The following MOB3B variants were observed in gnomAD, a reference collection of about 807,000 sequenced individuals.
MOB3B encodes MOB kinase activator-like 2B.
Under a neutral mutation model 18.7 loss-of-function variants are expected in MOB3B, and 7 were observed. The ratio of observed to expected loss-of-function variants is 0.37; its 90% CI spans 0.21 to 0.70. The LOEUF is 0.70. Ranked by LOEUF, MOB3B falls within the 30% of genes least tolerant of loss-of-function variation. The probability of loss-of-function intolerance (pLI) is 0.52; values close to 1 mark genes in which losing one functional copy is unlikely to be tolerated. For synonymous variants in MOB3B, 111 were observed against 99.9 expected (o/e 1.11, Z -0.66); for missense variants, 253 against 281.3 (o/e 0.90, Z 0.72).
intron 3 of MOB3B, among the ~76,000 whole-genome samples, chr9:27,353,868 A>G (rs555063355): frequency 6.6e-6 from 1 of 152,360 alleles, no homozygotes; most frequent in African/African-American, 2.4e-5. Flanking sequence ...CTGGCAGCCA[A>G]GGGCCAACAG....
chr9:27,387,311 A>AC (rs1215527603), intron 2 of MOB3B, among the ~76,000 whole-genome samples: 5 of 152,170 alleles, frequency 3.3e-5, no homozygotes, highest in Non-Finnish European at 7.3e-5. Context: ...TAACAGGCAG[A>AC]CCATTTTATA....
rs577173619 is a variant in MOB3B, at chr9:27,330,448, C to T, written c.*139G>A. ...CACACAAAGTGAGTGGGGAATGTCT[C>T]TCAGGAGTCACTGCTTGCCTCCACC... On this transcript the variant is annotated 3_prime_UTR_variant, in exon 4 of 4. Transcript: ENST00000262244. 147 of 1,096,882 alleles carry T rather than the reference C, an allele frequency of 1.3e-4. 1 individual carries two copies. Among genetic ancestry groups the T allele is most frequent in the Admixed American group, 6.8e-4 (28 of 41,210 alleles). 67.9% of individuals were successfully genotyped at this position (1,096,882 alleles called of 1,614,324 possible).
chr9:27,463,755 G>A (rs181676959), intron 1 of MOB3B, among the ~76,000 whole-genome samples: 35 of 151,844 alleles, frequency 2.3e-4, no homozygotes, highest in African/African-American at 7.7e-4. Context: ...GAGCCCAGGA[G>A]TTCGAGACCA....
intron 3 of MOB3B, among the ~76,000 whole-genome samples, chr9:27,342,492 C>G (rs1005920287): frequency 1.3e-5 from 2 of 151,788 alleles, no homozygotes; most frequent in Non-Finnish European, 2.9e-5. Context: ...CCCGGTCTCC[C>G]TCTGATGCCA....
intron 2 of MOB3B, among the ~76,000 whole-genome samples, chr9:27,429,031 A>T (rs1444632974): frequency 6.6e-6 from 1 of 152,218 alleles, no homozygotes; most frequent in Non-Finnish European, 1.5e-5. Flanking sequence ...ACTCATACAT[A>T]CTTTAGAAAT....
intron 2 of MOB3B, among the ~76,000 whole-genome samples, chr9:27,422,432 C>T (rs896298746): frequency 3.9e-5 from 6 of 152,314 alleles, no homozygotes; most frequent in Admixed American, 3.3e-4. Flanking sequence ...CTTGGTTCCA[C>T]CTCTCTAATT....
Position 27,328,864 on chromosome 9 carries a change from C to T in MOB3B, c.*1723G>A, listed in dbSNP as rs1052269334. On this transcript the variant is annotated 3_prime_UTR_variant, in exon 4 of 4. Coordinates refer to ENST00000262244, the MANE Select transcript of MOB3B (RefSeq NM_024761.5). ...GAAAAAACTTTGCCTATCTTGTCCT[C>T]TCAAAGTTACTTAGGAAGGGGGACA... 5 of 152,524 alleles carry T rather than the reference C, an allele frequency of 3.3e-5. No individual in the cohort carries two copies. Among genetic ancestry groups the T allele is most frequent in the African/African-American group, 1.2e-4 (5 of 41,402 alleles). 9.4% of individuals were successfully genotyped at this position (152,524 alleles called of 1,614,324 possible). A position where few individuals can be genotyped will look rare whatever the true frequency, so the allele number is the denominator to read the frequency against.
chr9:27,480,401 G>A lies in MOB3B; in HGVS notation c.-198-24653C>T, dbSNP rs993896522. On this transcript the variant is annotated intron_variant, in intron 1 of 3. Transcript: ENST00000262244. Reference sequence around the variant, plus strand: ...TGCAAGCTCCGCCTCCTGGGTTCACGCCATTCTCCTGCCTCAGCCTCCGGA... The same window carrying A: ...TGCAAGCTCCGCCTCCTGGGTTCACACCATTCTCCTGCCTCAGCCTCCGGA... Among the ~76,000 whole-genome samples, 21 of 151,658 alleles carry A rather than the reference G, an allele frequency of 1.4e-4. No homozygotes were observed. The East Asian group carries it at 3.7e-3, about 27-fold the overall frequency.
chr9:27,391,283 A>T (rs899885514), intron 2 of MOB3B, among the ~76,000 whole-genome samples: 1 of 152,192 alleles, frequency 6.6e-6, no homozygotes, highest in African/African-American at 2.4e-5. Context: ...TTCAGTAATA[A>T]TCTTCTTTTT....
At chr9:27,410,270 A>C (rs1021312074) in intron 2 of MOB3B, among the ~76,000 whole-genome samples, 2 of 152,180 alleles carry the variant, frequency 1.3e-5, no homozygotes, top group African/African-American at 4.8e-5. Flanking sequence ...TAAAGATGCC[A>C]GCTTTAATAA....
intron 2 of MOB3B, among the ~76,000 whole-genome samples, chr9:27,401,033 C>T (rs766241418): frequency 3.9e-5 from 6 of 152,282 alleles, no homozygotes; most frequent in Admixed American, 1.3e-4. Context: ...GTTCAAGCTA[C>T]GGAAGGCAAC....
chr9:27,528,054 T>C (rs1820463454), intron 1 of MOB3B, among the ~76,000 whole-genome samples: 1 of 152,172 alleles, frequency 6.6e-6, no homozygotes, highest in African/African-American at 2.4e-5. Flanking sequence ...CCTCTTTTTC[T>C]ACAATGAAGA....
At chr9:27,365,478 T>TA (rs1821331346) in intron 2 of MOB3B, among the ~76,000 whole-genome samples, 1 of 151,988 alleles carries the variant, frequency 6.6e-6, no homozygotes, top group Admixed American at 6.6e-5. Flanking sequence ...TTGTATATCT[T>TA]AAGGGTTTGG....
rs548910993 is a variant in MOB3B at position 27,369,174 on chromosome 9, T to C, written c.419-9938A>G. Among the ~76,000 whole-genome samples the C allele has an allele frequency of 5.3e-5, 8 of 152,238 alleles. No homozygotes were observed. In the South Asian group the frequency reaches 1.5e-3, roughly 28 times the overall value. On this transcript the variant is annotated intron_variant, in intron 2 of 3. Coordinates refer to ENST00000262244, the MANE Select transcript of MOB3B (RefSeq NM_024761.5). ...GAGGTACCAGGAGTTTGATCAGGAA[T>C]ATAGGTCTAGGACTACCACACCTTC... is the stretch of plus-strand genomic sequence containing the variant.
chr9:27,408,832 G>A (rs1385931038), intron 2 of MOB3B, among the ~76,000 whole-genome samples: 1 of 152,128 alleles, frequency 6.6e-6, no homozygotes, highest in Non-Finnish European at 1.5e-5. Context: ...ACAAAGCTCT[G>A]GCTTAGCATG....
rs1490327198 is a variant in MOB3B, at chr9:27,325,347, C to A, written c.*5240G>T. 15 of 152,090 alleles carry A rather than the reference C, an allele frequency of 9.9e-5. No homozygotes were observed. Among genetic ancestry groups the A allele is most frequent in the Non-Finnish European group, 1.8e-4 (12 of 68,018 alleles). The allele number at this position is 152,090 out of a possible 1,614,324, so 9.4% of individuals were successfully genotyped here. A position where few individuals can be genotyped will look rare whatever the true frequency, so the allele number is the denominator to read the frequency against. ...TTTCCTTATAGTCAAATGCTTAATACAATCATAAATGGAACCAAAAATATA... is the reference window on the plus strand; with the variant it reads ...TTTCCTTATAGTCAAATGCTTAATAAAATCATAAATGGAACCAAAAATATA... On this transcript the variant is annotated 3_prime_UTR_variant, in exon 4 of 4. Coordinates refer to ENST00000262244, the MANE Select transcript of MOB3B (RefSeq NM_024761.5).
At chr9:27,443,001 C>T (rs1822618531) in intron 2 of MOB3B, among the ~76,000 whole-genome samples, 1 of 152,136 alleles carries the variant, frequency 6.6e-6, no homozygotes, top group African/African-American at 2.4e-5. Context: ...TTTGCTCGCC[C>T]CAGACAAGTG....
intron 3 of MOB3B, among the ~76,000 whole-genome samples, chr9:27,336,574 T>A (rs946517369): frequency 6.6e-6 from 1 of 152,150 alleles, no homozygotes; most frequent in Non-Finnish European, 1.5e-5. Flanking sequence ...CTCCTGCCCC[T>A]AGTAACCACC....
At chr9:27,440,076 C>G (rs555281142) in intron 2 of MOB3B, among the ~76,000 whole-genome samples, 209 of 152,244 alleles carry the variant, frequency 1.4e-3, no homozygotes, top group Non-Finnish European at 2.6e-3. Context: ...TATGACAAAA[C>G]CTGGTTAGCA....
Sources: gnomAD v4.1 joint callset for allele counts (sites outside exome capture counted in the v4.1 genomes callset) on GRCh38, gnomAD v4.1.1 for gene constraint, MANE v1.5 for transcripts, NCBI Gene and HGNC (gene_info 2026-07-23, HGNC 2026-07-21) for gene names.